The following HAL variants were observed in gnomAD, a reference collection of about 807,000 sequenced individuals.
HAL encodes histidase.
A neutral mutation model predicts 81.1 loss-of-function variants in HAL; 85 were observed. That is an observed-to-expected ratio of 1.05 (90% CI 0.88 to 1.25). The LOEUF (loss-of-function observed/expected upper bound fraction) is 1.25, where lower values mean the gene tolerates loss of function less well. Ranked by LOEUF, HAL falls within the 50% of genes most tolerant of loss-of-function variation. The pLI is 0.00. For synonymous variants in HAL, 301 were observed against 309.2 expected, an observed-to-expected ratio of 0.97 and a Z score of 0.28; for missense variants, 798 against 836.6, an observed-to-expected ratio of 0.95 and a Z score of 0.57.
rs1482089806 is a variant in HAL, at chr12:95,978,059, CAGAGCCTTGTTCTCAGAAACTGCA to C, written c.1520-5_1538del. 4 of 1,613,930 alleles carry C rather than the reference CAGAGCCTTGTTCTCAGAAACTGCA, an allele frequency of 2.5e-6. No homozygotes were observed. The East Asian group carries it at 8.9e-5, about 36-fold the overall frequency. On this transcript the variant is annotated splice_acceptor_variant and splice_polypyrimidine_tract_variant and coding_sequence_variant and intron_variant, in exon 18 of 21. Coordinates refer to ENST00000261208, the MANE Select transcript of HAL (RefSeq NM_002108.4). LOFTEE classifies it high-confidence loss of function. ...GGGAGTCAACAGACGAGGGATGGCA[CAGAGCCTTGTTCTCAGAAACTGCA>C]AGAGACCAGTGCCAGTTAAGAAGTG...
In HAL at chr12:95,995,992, C is replaced by A; in HGVS notation, c.-81-1G>T. ...GGAGTGGCTACCGGGGTGTGGTCAGCTGGAAGGATGAGAATAGACTTTCAA... is the reference window on the plus strand; with the variant it reads ...GGAGTGGCTACCGGGGTGTGGTCAGATGGAAGGATGAGAATAGACTTTCAA... On this transcript the variant is annotated splice_acceptor_variant, in intron 1 of 20. Coordinates refer to ENST00000261208, the MANE Select transcript of HAL (RefSeq NM_002108.4). LOFTEE classifies it low-confidence loss of function (5UTR_SPLICE). The A allele has an allele frequency of 7.0e-7, 1 of 1,420,582 alleles. No individual in the cohort carries two copies. Among genetic ancestry groups the A allele is most frequent in the South Asian group, 1.2e-5 (1 of 84,934 alleles). The allele number at this position is 1,420,582 out of a possible 1,614,324, so 88.0% of individuals were successfully genotyped here.
At chr12:95,985,188 T>C (rs1372984319) in intron 14 of HAL, among the ~76,000 whole-genome samples, 1 of 152,184 alleles carries the variant, frequency 6.6e-6, no homozygotes, top group Non-Finnish European at 1.5e-5. Context: ...TGTAAACACC[T>C]CTGACTATCT....
Position 95,995,762 on chromosome 12 carries a change from T to C in HAL, c.149A>G (p.Asp50Gly). ...PDNGGFTSVD[D>G]AHFLVRRCKG... Reference sequence around the variant, plus strand: ...GCACCGGCGCACAAGGAAGTGCGCGTCATCCACGGAGGTGAAGCCACCATT... The same window carrying C: ...GCACCGGCGCACAAGGAAGTGCGCGCCATCCACGGAGGTGAAGCCACCATT... The change falls in exon 2 of 21, where the codon GAC becomes GGC. Residue 50 changes from aspartate (D) to glycine (G), a missense_variant. Coordinates refer to ENST00000261208, the MANE Select transcript of HAL (RefSeq NM_002108.4). 6.2e-7 allele frequency: 1 copy of C among 1,613,754 alleles called. No homozygotes were observed. Among genetic ancestry groups the C allele is most frequent in the African/African-American group, 1.3e-5 (1 of 75,072 alleles).
chr12:95,978,479 C>CAT (rs529610927), intron 17 of HAL, among the ~76,000 whole-genome samples: 104 of 152,136 alleles, frequency 6.8e-4, no homozygotes, highest in African/African-American at 2.5e-3. Context: ...GAGGCTGGAC[C>CAT]CATAAATCTT....
rs773761824 is a variant in HAL at position 95,974,308 on chromosome 12, G to C, written c.1898C>G (p.Pro633Arg). 71 of 1,612,414 alleles carry C rather than the reference G, an allele frequency of 4.4e-5. No homozygotes were observed. The highest frequency in any genetic ancestry group is 5.9e-5 in the Non-Finnish European group (70 of 1,178,552). The change falls in exon 21 of 21, where the codon CCT becomes CGT. Residue 633 changes from proline (P) to arginine (R), a missense_variant. Pro to Arg is a moderately radical substitution (Grantham distance 103). Transcript: ENST00000261208. The part of the protein sequence containing the change: ...YRMEHIPESR[P>R]LSPTAFSLQF... ...CAGTGAAAAGGCTGTTGGAGAAAGAGGTCTTGATTCTGGAATATGCTCCAT... is the reference window on the plus strand; with the variant it reads ...CAGTGAAAAGGCTGTTGGAGAAAGACGTCTTGATTCTGGAATATGCTCCAT...
intron 18 of HAL, among the ~76,000 whole-genome samples, chr12:95,977,642 CAAAA>C (rs60410496): frequency 9.0e-5 from 9 of 99,914 alleles, no homozygotes; most frequent in Middle Eastern, 5.0e-3. Context: ...GATCCTGCCT[CAAAA>C]AAAAAAAAAA....
intron 9 of HAL, among the ~76,000 whole-genome samples, chr12:95,991,517 T>G (rs1421846831): frequency 6.6e-6 from 1 of 152,244 alleles, no homozygotes; most frequent in Non-Finnish European, 1.5e-5. Flanking sequence ...TACACTCCAC[T>G]GCCCCTTATC....
chr12:95,993,635 C>A (rs779462446), intron 7 of HAL, 137 bp downstream of exon 7: 2 of 827,712 alleles, frequency 2.4e-6, no homozygotes, highest in South Asian at 2.8e-5. Flanking sequence ...GTTTTCAATA[C>A]CAACTCACAT....
chr12:95,980,689 T>C lies in HAL; in HGVS notation c.1386A>G (p.Glu462=), dbSNP rs143374816. 3 of 1,613,974 alleles carry C rather than the reference T, an allele frequency of 1.9e-6. No homozygotes were observed. The highest frequency in any genetic ancestry group is 1.7e-5 in the Admixed American group (1 of 59,998). ...ALDYLAIGIH[E]LAAISERRIE... is the part of the protein sequence containing the mutation. The stretch of plus-strand genomic sequence containing the variant: ...TTCTTCTCTCACTGATTGCAGCAAG[T>C]TCATGGATGCCAATGGCCAAGTAGT... The change falls in exon 17 of 21, where the codon GAA becomes GAG. Residue 462 remains glutamate, a synonymous_variant. Coordinates refer to ENST00000261208, the MANE Select transcript of HAL (RefSeq NM_002108.4).
At chr12:95,981,359 G>A (rs1356755014) in intron 15 of HAL, among the ~76,000 whole-genome samples, 1 of 152,210 alleles carries the variant, frequency 6.6e-6, no homozygotes, top group African/African-American at 2.4e-5. Context: ...TCTTTACTCA[G>A]TAATCTGGTG....
At chr12:95,976,795 C>T in intron 18 of HAL, 89 bp from the exon 19 acceptor site, 2 of 792,874 alleles carry the variant, frequency 2.5e-6, no homozygotes, top group Non-Finnish European at 4.4e-6. Context: ...CACCCATCAC[C>T]ACCCAACTAA....
rs1042066152 is a variant in HAL at position 95,972,966 on chromosome 12, A to AT, written c.*1265dup. Reference sequence around the variant, plus strand: ...TTTAGGTAAACAGTCTCCTCAGCACATTTTTTGCTCCCTGAATTGCTGTGT... The same window carrying AT: ...TTTAGGTAAACAGTCTCCTCAGCACATTTTTTTGCTCCCTGAATTGCTGTGT... On this transcript the variant is annotated 3_prime_UTR_variant, in exon 21 of 21. Coordinates refer to ENST00000261208, the MANE Select transcript of HAL (RefSeq NM_002108.4). 4 of 152,182 alleles carry AT rather than the reference A, an allele frequency of 2.6e-5. No individual in the cohort carries two copies. Among genetic ancestry groups the AT allele is most frequent in the Admixed American group, 6.5e-5 (1 of 15,284 alleles). 9.4% of individuals were successfully genotyped at this position (152,182 alleles called of 1,614,324 possible).
At chr12:95,982,526 T>G (rs566130461) in intron 15 of HAL, among the ~76,000 whole-genome samples, 1 of 152,352 alleles carries the variant, frequency 6.6e-6, no homozygotes, top group Non-Finnish European at 1.5e-5. Flanking sequence ...TAAGACTACA[T>G]AGAGTTCATA....
At chr12:95,994,249 G>T in intron 4 of HAL, 85 bp from the exon 5 acceptor site, 2 of 876,016 alleles carry the variant, frequency 2.3e-6, no homozygotes, top group South Asian at 1.3e-5. Flanking sequence ...GAACCAAACT[G>T]ACATTTCAGA....
chr12:95,974,228 C>T lies in HAL; in HGVS notation c.*4G>A, dbSNP rs1455905331. The T allele has an allele frequency of 6.2e-7, 1 of 1,613,522 alleles. No individual in the cohort carries two copies. Among genetic ancestry groups the T allele is most frequent in the African/African-American group, 1.3e-5 (1 of 75,022 alleles). ...TCTCATCTGCTACTTCATGACAAAGCCCATTAAAGGTCCTCAGACTCCGGG... is the reference window on the plus strand; with the variant it reads ...TCTCATCTGCTACTTCATGACAAAGTCCATTAAAGGTCCTCAGACTCCGGG... On this transcript the variant is annotated 3_prime_UTR_variant, in exon 21 of 21. Coordinates refer to ENST00000261208, the MANE Select transcript of HAL (RefSeq NM_002108.4).
In HAL at chr12:95,974,292, G is replaced by A; in HGVS notation, c.1914C>T (p.Ala638=). The A allele has an allele frequency of 6.2e-7, 1 of 1,613,520 alleles. No individual in the cohort carries two copies. Among genetic ancestry groups the A allele is most frequent in the Non-Finnish European group, 8.5e-7 (1 of 1,179,464 alleles). The change falls in exon 21 of 21, where the codon GCC becomes GCT. Residue 638 remains alanine (A), a synonymous_variant. Transcript: ENST00000261208. ...IPESRPLSPT[A]FSLQFLHKKS... ...TCTTGTGCAGAAATTGCAGTGAAAA[G>A]GCTGTTGGAGAAAGAGGTCTTGATT...
rs1592844680 is a variant in HAL, at chr12:95,986,242, A to G, written c.1052-82T>C. On this transcript the variant is annotated intron_variant, in intron 12 of 20. Coordinates refer to ENST00000261208, the MANE Select transcript of HAL (RefSeq NM_002108.4). ...AGATGGGGGTCTCACTACGTTCCCC[A>G]GGCTGGTTTCAAACTCCTGGGCTCT... 5.8e-6 allele frequency: 5 copies of G among 863,994 alleles called. No individual in the cohort carries two copies. In the East Asian group the frequency reaches 1.3e-4, roughly 22 times the overall value. 53.5% of individuals were successfully genotyped at this position (863,994 alleles called of 1,614,324 possible).
In HAL at chr12:95,990,407, C is replaced by T. The variant is rs140891326; in HGVS notation, c.841G>A (p.Ala281Thr). 371 of 1,613,640 alleles carry T rather than the reference C, an allele frequency of 2.3e-4. No homozygotes were observed. The highest frequency in any genetic ancestry group is 2.5e-4 in the Non-Finnish European group (297 of 1,179,554). ...ACGAGTCTTACGTATTTAGCATCAG[C>T]CCAGCCACTCTTCGGAGACCACATC... ...GKMWSPKSGW[A>T]DAKYVLEAHG... The change falls in exon 10 of 21, where the codon GCT becomes ACT. Residue 281 changes from alanine (A) to threonine (T), a missense_variant. Ala to Thr is a moderately conservative substitution (Grantham distance 58). Coordinates refer to ENST00000261208, the MANE Select transcript of HAL (RefSeq NM_002108.4).
chr12:95,979,743 A>C (rs2080768621), intron 17 of HAL, among the ~76,000 whole-genome samples: 1 of 152,246 alleles, frequency 6.6e-6, no homozygotes, highest in Non-Finnish European at 1.5e-5. Flanking sequence ...TTAAGTATTG[A>C]TTAAAATGAG....
Sources: allele counts gnomAD v4.1 joint callset (sites outside exome capture counted in the v4.1 genomes callset), GRCh38; gene constraint gnomAD v4.1.1; transcripts MANE v1.5; gene names NCBI Gene and HGNC (gene_info 2026-07-23, HGNC 2026-07-21).